The following ZNF227 variants were observed in gnomAD, a reference collection of about 807,000 sequenced individuals.
The protein encoded by ZNF227 is zinc finger protein 227.
In ZNF227, 12 loss-of-function variants were observed where a neutral mutation model predicts 13.2. That is an observed-to-expected ratio of 0.91 (90% CI 0.58 to 1.47). ZNF227 has a LOEUF of 1.47. Among genes scored for constraint, ZNF227 ranks in the 40% most tolerant of loss-of-function variants. The pLI, the probability that ZNF227 is intolerant of heterozygous loss-of-function variation, is 0.00. For synonymous variants in ZNF227, 338 were observed against 326.0 expected (o/e 1.04, Z -0.40); for missense variants, 885 against 967.5 (o/e 0.91, Z 1.13).
At chr19:44,234,401 T>G (rs185096274) in intron 5 of ZNF227, among the ~76,000 whole-genome samples, 78 of 152,326 alleles carry the variant, frequency 5.1e-4, no homozygotes, top group African/African-American at 1.7e-3. Context: ...AATATGGATT[T>G]TCTTTTTGTT....
At chr19:44,208,251 G>A (rs188673522), upstream of ZNF227, among the ~76,000 whole-genome samples, 78 of 152,208 alleles carry the variant, frequency 5.1e-4, no homozygotes, top group African/African-American at 1.7e-3. Flanking sequence ...TCAATAAGAG[G>A]ACTTGGTCTC....
upstream of ZNF227, among the ~76,000 whole-genome samples, chr19:44,211,899 CTTT>C (rs528951551): frequency 1.5e-5 from 1 of 65,446 alleles, no homozygotes; most frequent in Non-Finnish European, 3.9e-5. Flanking sequence ...TTTTTTTTTT[CTTT>C]TTTTTTTTTT....
At chr19:44,212,175 A>C (rs1971406004), upstream of ZNF227, among the ~76,000 whole-genome samples, 1 of 151,714 alleles carries the variant, frequency 6.6e-6, no homozygotes, top group South Asian at 2.1e-4. Context: ...TTTTTATTTT[A>C]GGGCTCCAAT....
intron 3 of ZNF227, among the ~76,000 whole-genome samples, chr19:44,218,991 G>T (rs556084591): frequency 2.6e-5 from 4 of 152,160 alleles, no homozygotes; most frequent in Non-Finnish European, 5.9e-5. Context: ...AGGTTCAAGC[G>T]ATTCTCCTGC....
intron 2 of ZNF227, among the ~76,000 whole-genome samples, chr19:44,216,933 G>A (rs1358045890): frequency 2.0e-5 from 3 of 148,676 alleles, no homozygotes; most frequent in African/African-American, 7.4e-5. Context: ...CAAGGCAAGT[G>A]TGTGATGCAA....
intron 5 of ZNF227, 41 bp downstream of exon 5, chr19:44,229,857 T>TACTGGTTAGTCTGCATCTTACC: frequency 1.4e-6 from 2 of 1,429,636 alleles, no homozygotes; most frequent in Non-Finnish European, 1.9e-6. Flanking sequence ...TTCTTTCAGG[T>TACTGGTTAGTCTGCATCTTACC]ACTGGTTAGT....
chr19:44,231,723 T>C (rs1282142054), intron 5 of ZNF227, among the ~76,000 whole-genome samples: 2 of 152,206 alleles, frequency 1.3e-5, no homozygotes, highest in African/African-American at 4.8e-5. Context: ...AGTTAGCTCA[T>C]AGATTGAGAG....
chr19:44,229,821 G>T lies in ZNF227; in HGVS notation c.271+5G>T. Reference sequence around the variant, plus strand: ...TGGAAACAGAAACCCAAAGAAGTAGGTATTCTGGTGAGAACCCTGTGTCTG... The same window carrying T: ...TGGAAACAGAAACCCAAAGAAGTAGTTATTCTGGTGAGAACCCTGTGTCTG... On this transcript the variant is annotated splice_donor_5th_base_variant and intron_variant, in intron 5 of 5. Transcript: ENST00000313040. 1 of 1,554,314 alleles carries T rather than the reference G, an allele frequency of 6.4e-7. No homozygotes were observed. The highest frequency in any genetic ancestry group is 1.2e-5 in the South Asian group (1 of 82,076).
intron 5 of ZNF227, among the ~76,000 whole-genome samples, chr19:44,232,850 C>T (rs975443727): frequency 3.3e-5 from 5 of 151,748 alleles, no homozygotes; most frequent in Admixed American, 6.6e-5. Context: ...AGTTTTTTAG[C>T]GGAGACGGGG....
At chr19:44,222,258 T>G (rs1372412324) in intron 3 of ZNF227, among the ~76,000 whole-genome samples, 3 of 152,228 alleles carry the variant, frequency 2.0e-5, no homozygotes, top group Non-Finnish European at 4.4e-5. Context: ...TCTTTTTTGG[T>G]TCCATATGAA....
chr19:44,212,226 C>A (rs562399668), upstream of ZNF227, among the ~76,000 whole-genome samples: 10 of 152,012 alleles, frequency 6.6e-5, no homozygotes, highest in African/African-American at 2.4e-4. Flanking sequence ...ATAAGAAAAA[C>A]CTAAATTCCA....
In ZNF227 at chr19:44,224,812, G is replaced by T. The variant is rs189164423; in HGVS notation, c.61-3634G>T. ...TGTGTGAATTTTGTCCTGTCATTTT[G>T]ATGTTAGCTGGTTATTTTGCTCGTT... is the stretch of plus-strand genomic sequence containing the variant. On this transcript the variant is annotated intron_variant, in intron 3 of 5. Transcript: ENST00000313040. 2.1e-4 allele frequency among the ~76,000 whole-genome samples: 32 copies of T among 152,262 alleles called. No individual in the cohort carries two copies. The East Asian group carries it at 5.6e-3, about 27-fold the overall frequency.
At chr19:44,216,958 GTTTTTTTTTTTTT>G (rs35474532) in intron 2 of ZNF227, among the ~76,000 whole-genome samples, 1 of 91,646 alleles carries the variant, frequency 1.1e-5, no homozygotes, top group Non-Finnish European at 2.1e-5. Context: ...TCATCTGCTT[GTTTTTTTTTTTTT>G]TTTTTTTTTG....
intron 3 of ZNF227, among the ~76,000 whole-genome samples, chr19:44,220,024 T>C (rs1338130406): frequency 6.6e-6 from 1 of 151,568 alleles, no homozygotes; most frequent in Non-Finnish European, 1.5e-5. Flanking sequence ...AGTGAGAACA[T>C]GCAGCGTTTG....
At chr19:44,212,779 A>G (rs1427789228) in intron 1 of ZNF227, 194 bp downstream of exon 1, 2 of 152,254 alleles carry the variant, frequency 1.3e-5, no homozygotes, top group African/African-American at 4.8e-5. Context: ...TATAATAAAC[A>G]GCGAGTTACC....
Position 44,222,174 on chromosome 19 carries a change from T to C in ZNF227, c.60+4322T>C, listed in dbSNP as rs926861468. Among the ~76,000 whole-genome samples the C allele has an allele frequency of 8.2e-4, 124 of 151,990 alleles. 1 individual carries two copies. Among genetic ancestry groups the C allele is most frequent in the African/African-American group, 2.8e-3 (118 of 41,484 alleles). ...TGTTTTGGTTACTGTAGCCTTGTAGTATAGTTTGAAGTCAGGTAGCATGAT... is the reference window on the plus strand; with the variant it reads ...TGTTTTGGTTACTGTAGCCTTGTAGCATAGTTTGAAGTCAGGTAGCATGAT... On this transcript the variant is annotated intron_variant, in intron 3 of 5. Transcript: ENST00000313040.
In ZNF227 at chr19:44,235,499, T is replaced by C; in HGVS notation, c.1069T>C (p.Cys357Arg). 1 of 1,614,134 alleles carries C rather than the reference T, an allele frequency of 6.2e-7. No individual in the cohort carries two copies. Among genetic ancestry groups the C allele is most frequent in the Non-Finnish European group, 8.5e-7 (1 of 1,180,038 alleles). The change falls in exon 6 of 6, where the codon TGT (cysteine) becomes CGT (arginine). Residue 357 changes from cysteine to arginine, a missense_variant. Cys to Arg is a radical substitution (Grantham distance 180). Coordinates refer to ENST00000313040, the MANE Select transcript of ZNF227 (RefSeq NM_182490.3). Reference protein sequence around the residue: ...TGEKPYKCEECGKCFSQSSNF... With the variant: ...TGEKPYKCEERGKCFSQSSNF... ...AGAGAAACCCTATAAATGCGAGGAA[T>C]GTGGTAAATGCTTTAGTCAAAGTTC...
intron 5 of ZNF227, 102 bp downstream of exon 5, chr19:44,229,918 C>T (rs1973610531): frequency 1.4e-6 from 1 of 692,682 alleles, no homozygotes; most frequent in Non-Finnish European, 2.2e-6. Flanking sequence ...TAAAATCTTT[C>T]ACCTGGATTA....
At chr19:44,231,493 C>T (rs575666396) in intron 5 of ZNF227, among the ~76,000 whole-genome samples, 24 of 152,038 alleles carry the variant, frequency 1.6e-4, no homozygotes, top group Non-Finnish European at 2.4e-4. Context: ...CCACCACACC[C>T]GGCTAATTTT....
Sources: allele counts gnomAD v4.1 joint callset (sites outside exome capture counted in the v4.1 genomes callset), GRCh38; gene constraint gnomAD v4.1.1; transcripts MANE v1.5; gene names NCBI Gene and HGNC (gene_info 2026-07-23, HGNC 2026-07-21).